The following GABRB2 variants were observed in gnomAD, a reference collection of about 807,000 sequenced individuals.
The protein encoded by GABRB2 is gamma-aminobutyric acid type A receptor subunit beta2.
GABRB2 carries 16 observed loss-of-function variants against 54.7 expected under a neutral mutation model. That is an observed-to-expected ratio of 0.29 (90% CI 0.20 to 0.44). The LOEUF (loss-of-function observed/expected upper bound fraction) is 0.44. Among genes scored for constraint, GABRB2 ranks in the 20% least tolerant of loss-of-function variants. The probability of loss-of-function intolerance (pLI) is 1.00; values close to 1 mark genes in which losing one functional copy is unlikely to be tolerated. For synonymous variants in GABRB2, 244 were observed against 233.8 expected, an observed-to-expected ratio of 1.04 and a Z score of -0.40; for missense variants, 355 against 644.0, an observed-to-expected ratio of 0.55 and a Z score of 4.86.
At chr5:161,539,665 G>A (rs1482985399) in intron 3 of GABRB2, among the ~76,000 whole-genome samples, 1 of 152,112 alleles carries the variant, frequency 6.6e-6, no homozygotes, top group Non-Finnish European at 1.5e-5. Context: ...CTCTTGAGTT[G>A]TCTTCATTAA....
chr5:161,379,188 A>C (rs1336433731), intron 5 of GABRB2, among the ~76,000 whole-genome samples: 1 of 152,220 alleles, frequency 6.6e-6, no homozygotes, highest in East Asian at 1.9e-4. Context: ...AGTGAAAGAC[A>C]GAACTGTTTA....
chr5:161,427,713 T>G (rs1224451424), intron 4 of GABRB2, among the ~76,000 whole-genome samples: 2 of 152,172 alleles, frequency 1.3e-5, no homozygotes, highest in Non-Finnish European at 2.9e-5. Context: ...CTAGAAATAT[T>G]AAAGTATTTC....
chr5:161,538,808 G>A (rs572923862), intron 3 of GABRB2, among the ~76,000 whole-genome samples: 2 of 151,268 alleles, frequency 1.3e-5, no homozygotes, highest in African/African-American at 4.9e-5. Context: ...GCAACAAAGC[G>A]AGACAACTGT....
Position 161,337,790 on chromosome 5 carries a change from C to CA in GABRB2, c.542-1022dup, listed in dbSNP as rs1055105745. 2.2e-3 allele frequency among the ~76,000 whole-genome samples: 334 copies of CA among 150,490 alleles called. 3 individuals carry two copies. Among genetic ancestry groups the CA allele is most frequent in the Admixed American group, 0.011 (173 of 15,086 alleles). On this transcript the variant is annotated intron_variant, in intron 5 of 9. Transcript: ENST00000393959. ...ATATCTTACAAATTCACCCACCCTC[C>CA]AAAAAAAAACCCAAATAAAAAGCAT...
At position 161,294,145 on chromosome 5, in the gene GABRB2, C is replaced by T. The variant is rs1757313373; in HGVS notation, c.1475G>A (p.Arg492His). ...GGAAAAAACCACTGGGAAGAATATG[C>T]GGGACCACCGATCTATGGCATTCAC... ...TDVNAIDRWSRIFFPVVFSFF... is the reference protein window; with the variant it reads ...TDVNAIDRWSHIFFPVVFSFF... Residue 492 changes from arginine to histidine, a missense_variant, in exon 10 of 10, where the codon CGC (arginine) becomes CAC (histidine). Coordinates refer to ENST00000393959, the MANE Select transcript of GABRB2 (RefSeq NM_001371727.1). The T allele has an allele frequency of 1.2e-6, 2 of 1,613,892 alleles. No individual in the cohort carries two copies. Among genetic ancestry groups the T allele is most frequent in the Non-Finnish European group, 8.5e-7 (1 of 1,179,924 alleles).
chr5:161,303,361 A>T (rs1757591757), intron 9 of GABRB2, among the ~76,000 whole-genome samples: 1 of 152,216 alleles, frequency 6.6e-6, no homozygotes, highest in Non-Finnish European at 1.5e-5. Flanking sequence ...TGTAATGAGT[A>T]AGCCACCTGA....
intron 3 of GABRB2, 46 bp from the exon 4 acceptor site, chr5:161,459,890 GA>G: frequency 1.7e-5 from 18 of 1,057,662 alleles, no homozygotes; most frequent in Non-Finnish European, 2.2e-5. Flanking sequence ...CACCCAGACA[GA>G]TCTGGGGGAT....
intron 5 of GABRB2, among the ~76,000 whole-genome samples, chr5:161,386,861 A>G (rs1036319992): frequency 6.6e-6 from 1 of 151,960 alleles, no homozygotes; most frequent in Non-Finnish European, 1.5e-5. Context: ...TAGTAGCAAA[A>G]CATCATAAGA....
At chr5:161,341,912 T>A (rs1301200341) in intron 5 of GABRB2, among the ~76,000 whole-genome samples, 10 of 143,570 alleles carry the variant, frequency 7.0e-5, no homozygotes. Flanking sequence ...AAGAGGTGAA[T>A]TAATGCCACT....
At chr5:161,434,408 A>G (rs572717803) in intron 4 of GABRB2, among the ~76,000 whole-genome samples, 99 of 152,274 alleles carry the variant, frequency 6.5e-4, no homozygotes, top group African/African-American at 2.3e-3. Context: ...TCCCCTAAAG[A>G]TAAAGTCCAG....
chr5:161,452,385 T>C (rs1757814121), intron 4 of GABRB2, among the ~76,000 whole-genome samples: 1 of 152,178 alleles, frequency 6.6e-6, no homozygotes, highest in South Asian at 2.1e-4. Context: ...ATCACTAATT[T>C]TGGACAAGAA....
intron 5 of GABRB2, among the ~76,000 whole-genome samples, chr5:161,408,474 A>G (rs1486759090): frequency 2.6e-5 from 4 of 152,070 alleles, no homozygotes; most frequent in African/African-American, 9.7e-5. Flanking sequence ...AGTGTTCAAT[A>G]ACAATTTAAT....
intron 3 of GABRB2, among the ~76,000 whole-genome samples, chr5:161,471,421 C>G (rs1429118459): frequency 2.0e-5 from 3 of 151,988 alleles, no homozygotes; most frequent in African/African-American, 7.2e-5. Context: ...GCCAGATGTT[C>G]AATTGCAGCA....
chr5:161,294,467 G>A (rs1349067723), intron 9 of GABRB2, 39 bp from the exon 10 acceptor site: 6 of 1,569,104 alleles, frequency 3.8e-6, no homozygotes, highest in Non-Finnish European at 5.2e-6. Flanking sequence ...TCAGAACAAT[G>A]AAGCTTTACA....
rs751840053 is a variant in GABRB2 at position 161,336,809 on chromosome 5, G to GAA, written c.542-42_542-41dup. The GAA allele has an allele frequency of 3.4e-5, 42 of 1,237,328 alleles. No individual in the cohort carries two copies. The African/African-American group carries it at 4.9e-4, about 14-fold the overall frequency. The allele number at this position is 1,237,328 out of a possible 1,614,324, so 76.6% of individuals were successfully genotyped here. On this transcript the variant is annotated intron_variant, in intron 5 of 9. Coordinates refer to ENST00000393959, the MANE Select transcript of GABRB2 (RefSeq NM_001371727.1). ...ATACACACACACACACACAAATACA[G>GAA]AAAACAAAAAAAAAAAAACAGACAA... is the stretch of plus-strand genomic sequence containing the variant.
At chr5:161,522,760 G>C (rs757345397) in intron 3 of GABRB2, among the ~76,000 whole-genome samples, 6 of 151,456 alleles carry the variant, frequency 4.0e-5, no homozygotes, top group Non-Finnish European at 8.9e-5. Flanking sequence ...TTTAAAATCT[G>C]GGTGTCCTGA....
At chr5:161,308,202 T>C (rs184927617) in intron 9 of GABRB2, among the ~76,000 whole-genome samples, 4 of 152,270 alleles carry the variant, frequency 2.6e-5, no homozygotes, top group Admixed American at 6.5e-5. Flanking sequence ...TCACAGTGGA[T>C]GTTGTAGTTA....
At chr5:161,452,016 A>T (rs774724152) in intron 4 of GABRB2, among the ~76,000 whole-genome samples, 1 of 152,180 alleles carries the variant, frequency 6.6e-6, no homozygotes, top group Non-Finnish European at 1.5e-5. Flanking sequence ...ATTAAGTATG[A>T]TGTAATATTA....
Position 161,546,613 on chromosome 5 carries a change from C to A in GABRB2, c.31G>T (p.Gly11Trp). The A allele has an allele frequency of 6.2e-7, 1 of 1,600,468 alleles. No homozygotes were observed. The highest frequency in any genetic ancestry group is 2.2e-5 in the East Asian group (1 of 44,596). Residue 11 changes from glycine to tryptophan, a missense_variant, in exon 1 of 10, where the codon GGG becomes TGG. Physicochemically the swap from Gly to Trp is radical, Grantham distance 184 (BLOSUM62 -2). Coordinates refer to ENST00000393959, the MANE Select transcript of GABRB2 (RefSeq NM_001371727.1). ...ATTATTAAGGGGAAGGACCAAATCC[C>A]AAAGTAGCCCCTTTTCCGCACTCTC... MWRVRKRGYF[G>W]IWSFPLIIAA... is the part of the protein sequence containing the mutation.
Sources: gnomAD v4.1 joint callset for allele counts (sites outside exome capture counted in the v4.1 genomes callset) on GRCh38, gnomAD v4.1.1 for gene constraint, MANE v1.5 for transcripts, NCBI Gene and HGNC (gene_info 2026-07-23, HGNC 2026-07-21) for gene names.